The following CYP2J2 variants were observed in gnomAD, a reference collection of about 807,000 sequenced individuals.
CYP2J2 encodes cytochrome P450 family 2 subfamily J member 2, also known as cytochrome P450 2J2.
A neutral mutation model predicts 48.8 loss-of-function variants in CYP2J2; 41 were observed. The ratio of observed to expected loss-of-function variants is 0.84; its 90% CI spans 0.66 to 1.09. The LOEUF (loss-of-function observed/expected upper bound fraction) is 1.09, where lower values mean the gene tolerates loss of function less well. Ranked by LOEUF, CYP2J2 falls within the 50% of genes least tolerant of loss-of-function variation. CYP2J2 has a pLI of 0.00. For missense variants in CYP2J2, 644 were observed against 617.3 expected (o/e 1.04, Z -0.46); for synonymous variants, 221 against 227.1 (o/e 0.97, Z 0.24).
chr1:59,938,755 G>A, the CYP2J2 span, among the ~76,000 whole-genome samples: 14 of 152,136 alleles, frequency 9.2e-5, no homozygotes, highest in African/African-American at 3.1e-4. Flanking sequence ...GCTGGGGGAC[G>A]GTCAGGTCTT....
At chr1:59,962,321 A>T in the CYP2J2 span, among the ~76,000 whole-genome samples, 1 of 152,328 alleles carries the variant, frequency 6.6e-6, no homozygotes, top group East Asian at 1.9e-4. Context: ...TGGGTCCCTA[A>T]TGTAAGACAG....
At chr1:59,939,488 A>AT in the CYP2J2 span, among the ~76,000 whole-genome samples, 13 of 152,240 alleles carry the variant, frequency 8.5e-5, no homozygotes, top group South Asian at 2.7e-3. Context: ...TGGAGTGACA[A>AT]AAACACCCCT....
chr1:59,961,933 C>T, the CYP2J2 span, among the ~76,000 whole-genome samples: 2 of 151,798 alleles, frequency 1.3e-5, no homozygotes, highest in Admixed American at 6.6e-5. Context: ...TATGAAACTT[C>T]CAGAATAGGG....
chr1:59,904,186 C>T (rs1644345490), intron 7 of CYP2J2, among the ~76,000 whole-genome samples: 1 of 152,084 alleles, frequency 6.6e-6, no homozygotes, highest in Non-Finnish European at 1.5e-5. Flanking sequence ...TCCTGGCCAA[C>T]CAACATGGTG....
At chr1:59,907,996 G>A in intron 5 of CYP2J2, 69 bp from the exon 6 acceptor site, 1 of 1,487,214 alleles carries the variant, frequency 6.7e-7, no homozygotes. Flanking sequence ...GTAACACAAA[G>A]GGGCTTCATC....
the CYP2J2 span, among the ~76,000 whole-genome samples, chr1:59,942,096 C>A: frequency 6.6e-6 from 1 of 152,082 alleles, no homozygotes; most frequent in South Asian, 2.1e-4. Flanking sequence ...TTTTGTACCA[C>A]ATTTTTTGTG....
the CYP2J2 span, among the ~76,000 whole-genome samples, chr1:59,943,820 A>T: frequency 1.8e-4 from 28 of 152,314 alleles, no homozygotes; most frequent in Middle Eastern, 6.8e-3. Context: ...AGATAAGAAC[A>T]GAGAAGTGGT....
At chr1:59,936,940 T>C in the CYP2J2 span, among the ~76,000 whole-genome samples, 1 of 152,238 alleles carries the variant, frequency 6.6e-6, no homozygotes, top group Non-Finnish European at 1.5e-5. Flanking sequence ...AGGTTACTTA[T>C]TGGTTTATAA....
At chr1:59,903,028 A>G (rs751776817) in intron 7 of CYP2J2, among the ~76,000 whole-genome samples, 3 of 152,238 alleles carry the variant, frequency 2.0e-5, no homozygotes, top group Non-Finnish European at 2.9e-5. Flanking sequence ...GCAGAAGTCA[A>G]GCTGGTTTCC....
At chr1:59,934,897 C>T in the CYP2J2 span, among the ~76,000 whole-genome samples, 3 of 149,404 alleles carry the variant, frequency 2.0e-5, no homozygotes, top group Admixed American at 2.0e-4. Context: ...GAGATAACTG[C>T]ATTGCTATAT....
chr1:59,930,420 TTC>T (rs1232060838), upstream of CYP2J2, among the ~76,000 whole-genome samples: 1 of 152,182 alleles, frequency 6.6e-6, no homozygotes, highest in East Asian at 1.9e-4. Context: ...ATTTGTTATC[TTC>T]TGTTATACTA....
intron 7 of CYP2J2, among the ~76,000 whole-genome samples, chr1:59,903,222 A>T (rs1644336061): frequency 6.6e-6 from 1 of 152,018 alleles, no homozygotes; most frequent in Non-Finnish European, 1.5e-5. Flanking sequence ...ACTTCTCGAG[A>T]TTTTCCCCAG....
chr1:59,909,063 C>G (rs986777221), intron 5 of CYP2J2, among the ~76,000 whole-genome samples: 1 of 152,124 alleles, frequency 6.6e-6, no homozygotes, highest in South Asian at 2.1e-4. Flanking sequence ...CTCCAAATAA[C>G]AGTAAAGGGT....
chr1:59,896,039 A>G (rs1375205682), intron 8 of CYP2J2, among the ~76,000 whole-genome samples: 2 of 152,176 alleles, frequency 1.3e-5, no homozygotes, highest in East Asian at 3.8e-4. Flanking sequence ...AATCAAGCTG[A>G]TATTTCCTGA....
At chr1:59,955,069 C>T in the CYP2J2 span, among the ~76,000 whole-genome samples, 545 of 151,318 alleles carry the variant, frequency 3.6e-3, 1 homozygote, top group African/African-American at 0.012. Flanking sequence ...GCCTGGGAGG[C>T]GGATGTTGCA....
chr1:59,952,248 T>C, the CYP2J2 span, among the ~76,000 whole-genome samples: 1 of 151,302 alleles, frequency 6.6e-6, no homozygotes, highest in African/African-American at 2.4e-5. Flanking sequence ...ATGCCTAACA[T>C]AGCCACAATG....
At chr1:59,938,776 C>T in the CYP2J2 span, among the ~76,000 whole-genome samples, 13 of 152,300 alleles carry the variant, frequency 8.5e-5, no homozygotes, top group East Asian at 7.7e-4. Flanking sequence ...GCCCATCCCA[C>T]GAGGCCATAT....
At chr1:59,901,149 A>C (rs776701750) in intron 7 of CYP2J2, 46 bp from the exon 8 acceptor site, 12 of 1,599,456 alleles carry the variant, frequency 7.5e-6, no homozygotes, top group Non-Finnish European at 1.0e-5. Context: ...CCCATGAAAA[A>C]GCACACCTAT....
chr1:59,914,909 T>C (rs887428104), intron 2 of CYP2J2, among the ~76,000 whole-genome samples: 2 of 152,200 alleles, frequency 1.3e-5, no homozygotes, highest in African/African-American at 2.4e-5. Context: ...AACCCGATTG[T>C]ACATTTGTTC....
Sources: allele counts gnomAD v4.1 joint callset (sites outside exome capture counted in the v4.1 genomes callset), GRCh38; gene constraint gnomAD v4.1.1; transcripts MANE v1.5; gene names NCBI Gene and HGNC (gene_info 2026-07-23, HGNC 2026-07-21).